Variants in KCND2 observed in about 807,000 individuals in gnomAD.
KCND2 encodes the protein potassium voltage-gated channel subfamily D member 2.
Under a neutral mutation model 54.4 loss-of-function variants are expected in KCND2, and 16 were observed. The observed-to-expected ratio is 0.29, with a 90% CI of 0.20 to 0.45. The LOEUF (loss-of-function observed/expected upper bound fraction) is 0.45. Among genes scored for constraint, KCND2 ranks in the 20% least tolerant of loss-of-function variants. The pLI is 1.00. For missense variants in KCND2, 486 were observed against 824.2 expected (o/e 0.59, Z 5.02); for synonymous variants, 317 against 310.7 (o/e 1.02, Z -0.21).
intron 1 of KCND2, among the ~76,000 whole-genome samples, chr7:120,487,158 T>C (rs557212883): frequency 1.4e-4 from 21 of 152,258 alleles, no homozygotes; most frequent in Admixed American, 7.8e-4. Flanking sequence ...AAATTAAATT[T>C]CAACAGGTTT....
chr7:120,732,414 G>A (rs1792819206), intron 1 of KCND2, among the ~76,000 whole-genome samples: 1 of 152,300 alleles, frequency 6.6e-6, no homozygotes, highest in African/African-American at 2.4e-5. Flanking sequence ...ACAAGTGAAG[G>A]TTAATGGGGA....
At chr7:120,587,940 A>C (rs561364188) in intron 1 of KCND2, among the ~76,000 whole-genome samples, 3 of 152,298 alleles carry the variant, frequency 2.0e-5, no homozygotes, top group African/African-American at 7.2e-5. Flanking sequence ...TATGTTTAGA[A>C]TCCTGGGGTC....
intron 1 of KCND2, among the ~76,000 whole-genome samples, chr7:120,470,413 C>T (rs1269870154): frequency 6.6e-6 from 1 of 151,978 alleles, no homozygotes; most frequent in Admixed American, 6.6e-5. Flanking sequence ...ACATAGTGTG[C>T]CTTGCCTTCT....
At chr7:120,674,357 T>C (rs997409929) in intron 1 of KCND2, among the ~76,000 whole-genome samples, 2 of 152,184 alleles carry the variant, frequency 1.3e-5, no homozygotes, top group African/African-American at 4.8e-5. Context: ...CCTATCACAC[T>C]AGCATTGCAA....
At chr7:120,400,976 A>G (rs1353853065) in intron 1 of KCND2, among the ~76,000 whole-genome samples, 7 of 151,928 alleles carry the variant, frequency 4.6e-5, no homozygotes, top group Non-Finnish European at 7.4e-5. Context: ...AAAAAAGAAG[A>G]AGAAGACCTA....
intron 1 of KCND2, among the ~76,000 whole-genome samples, chr7:120,416,777 C>CCA (rs1554437536): frequency 8.9e-6 from 1 of 112,368 alleles, no homozygotes; most frequent in Non-Finnish European, 2.1e-5. Context: ...CATAGACTAG[C>CCA]AAAAAAAAAA....
At chr7:120,445,560 A>G (rs756375448) in intron 1 of KCND2, among the ~76,000 whole-genome samples, 2 of 152,140 alleles carry the variant, frequency 1.3e-5, no homozygotes, top group Non-Finnish European at 2.9e-5. Flanking sequence ...TAAGATTGTT[A>G]TGAAACTGAA....
chr7:120,562,411 C>T (rs1193907338), intron 1 of KCND2, among the ~76,000 whole-genome samples: 1 of 152,058 alleles, frequency 6.6e-6, no homozygotes, highest in African/African-American at 2.4e-5. Flanking sequence ...GAGTTGATAA[C>T]AAGGAAGTTA....
Position 120,351,244 on chromosome 7 carries a change from G to GTATATATATATATATATA in KCND2, c.1115+75503_1115+75520dup, listed in dbSNP as rs3067025. 1.8e-3 allele frequency among the ~76,000 whole-genome samples: 247 copies of GTATATATATATATATATA among 137,318 alleles called. 5 individuals carry two copies. The highest frequency in any genetic ancestry group is 6.4e-3 in the African/African-American group (237 of 36,786). The allele number at this position is 137,318 out of a possible 152,430, so 90.1% of individuals were successfully genotyped here. A position where few individuals can be genotyped will look rare whatever the true frequency, so the allele number is the denominator to read the frequency against. On this transcript the variant is annotated intron_variant, in intron 1 of 5. Coordinates refer to ENST00000331113, the MANE Select transcript of KCND2 (RefSeq NM_012281.3). ...CATCATATTATATATTTATATGTGT[G>GTATATATATATATATATA]TATATATATATATATATATATATCC...
chr7:120,597,589 A>G (rs1329678951), intron 1 of KCND2, among the ~76,000 whole-genome samples: 1 of 152,132 alleles, frequency 6.6e-6, no homozygotes, highest in South Asian at 2.1e-4. Context: ...ATCCCTTACA[A>G]GGGTCTTACA....
intron 1 of KCND2, among the ~76,000 whole-genome samples, chr7:120,672,482 A>C (rs543594872): frequency 6.6e-6 from 1 of 152,078 alleles, no homozygotes. Flanking sequence ...GTTTTCTCCT[A>C]AGTAATCTAC....
intron 1 of KCND2, among the ~76,000 whole-genome samples, chr7:120,428,758 T>C (rs1157161639): frequency 1.3e-5 from 2 of 152,140 alleles, no homozygotes; most frequent in African/African-American, 4.8e-5. Flanking sequence ...TTCAGAGATA[T>C]TTTCTGAACA....
At chr7:120,700,038 A>G (rs1476846026) in intron 1 of KCND2, among the ~76,000 whole-genome samples, 1 of 152,174 alleles carries the variant, frequency 6.6e-6, no homozygotes, top group East Asian at 1.9e-4. Flanking sequence ...AAGAGCTCTC[A>G]TGGAAGCTGA....
intron 1 of KCND2, among the ~76,000 whole-genome samples, chr7:120,639,044 G>T (rs910491746): frequency 4.6e-5 from 7 of 152,052 alleles, no homozygotes; most frequent in African/African-American, 7.2e-5. Flanking sequence ...TTATAGAATG[G>T]TTTTCTTTGG....
intron 1 of KCND2, among the ~76,000 whole-genome samples, chr7:120,702,163 A>G (rs1478039973): frequency 6.6e-6 from 1 of 152,186 alleles, no homozygotes; most frequent in South Asian, 2.1e-4. Context: ...AAGAAGACAT[A>G]CATGTGACCA....
intron 1 of KCND2, among the ~76,000 whole-genome samples, chr7:120,647,910 A>G (rs1048829193): frequency 3.9e-5 from 6 of 152,208 alleles, no homozygotes; most frequent in Non-Finnish European, 7.3e-5. Context: ...ATGTATGCAT[A>G]TAGATATAGA....
chr7:120,291,665 A>AT (rs1353343491), intron 1 of KCND2, among the ~76,000 whole-genome samples: 1 of 151,844 alleles, frequency 6.6e-6, no homozygotes, highest in Non-Finnish European at 1.5e-5. Context: ...CAGATCTGGG[A>AT]TTTTGAACCA....
intron 1 of KCND2, among the ~76,000 whole-genome samples, chr7:120,722,129 C>T (rs1396329979): frequency 6.6e-6 from 1 of 152,084 alleles, no homozygotes; most frequent in Non-Finnish European, 1.5e-5. Flanking sequence ...TCTTTAGTAG[C>T]AGCATAAAAA....
Position 120,304,643 on chromosome 7 carries a change from C to T in KCND2, c.1115+28896C>T, listed in dbSNP as rs115584468. 7.8e-3 allele frequency among the ~76,000 whole-genome samples: 1,195 copies of T among 152,250 alleles called. 12 individuals carry two copies. The highest frequency in any genetic ancestry group is 0.027 in the African/African-American group (1,114 of 41,568). ...TAAAAAGCACTGAAATACAAATTAGCAACTCTCTCTCTTTCTCCTTCCATA... is the reference window on the plus strand; with the variant it reads ...TAAAAAGCACTGAAATACAAATTAGTAACTCTCTCTCTTTCTCCTTCCATA... On this transcript the variant is annotated intron_variant, in intron 1 of 5. Transcript: ENST00000331113.
Sources: allele counts gnomAD v4.1 joint callset (sites outside exome capture counted in the v4.1 genomes callset), GRCh38; gene constraint gnomAD v4.1.1; transcripts MANE v1.5; gene names NCBI Gene and HGNC (gene_info 2026-07-23, HGNC 2026-07-21).